Variants in VAMP7 observed in about 807,000 individuals in gnomAD.
The protein encoded by VAMP7 is vesicle associated membrane protein 7, also known as vesicle-associated membrane protein 7.
Under a neutral mutation model 29.6 loss-of-function variants are expected in VAMP7, and 14 were observed. The observed-to-expected ratio is 0.47, with a 90% CI of 0.31 to 0.74. The LOEUF (loss-of-function observed/expected upper bound fraction) is 0.74, where lower values mean the gene tolerates loss of function less well. Ranked by LOEUF, VAMP7 falls within the 30% of genes least tolerant of loss-of-function variation. The pLI is 0.05. For missense variants in VAMP7, 223 were observed against 262.4 expected (o/e 0.85, Z 1.04); for synonymous variants, 95 against 88.1 (o/e 1.08, Z -0.44).
At chrX:155,928,909 T>C (rs1157358381) in intron 6 of VAMP7, among the ~76,000 whole-genome samples, 6 of 152,264 alleles carry the variant, frequency 3.9e-5, no homozygotes, top group African/African-American at 1.4e-4. Context: ...CTGCTTTTTC[T>C]CATCTACATC....
intron 1 of VAMP7, among the ~76,000 whole-genome samples, chrX:155,884,613 T>C (rs1291003096): frequency 6.6e-6 from 1 of 152,190 alleles, no homozygotes. Context: ...ACATTAAGCA[T>C]TGTTATTTTA....
chrX:155,932,067 A>G (rs924741424), intron 6 of VAMP7, among the ~76,000 whole-genome samples: 2 of 152,014 alleles, frequency 1.3e-5, no homozygotes, highest in Non-Finnish European at 2.9e-5. Flanking sequence ...ATTGGTCTAT[A>G]TCTCTGTTTT....
intron 6 of VAMP7, among the ~76,000 whole-genome samples, chrX:155,921,394 C>T (rs2066394437): frequency 6.6e-6 from 1 of 152,008 alleles, no homozygotes; most frequent in African/African-American, 2.4e-5. Context: ...CTGCCTCATA[C>T]CCCTTCCAGT....
chrX:155,919,283 C>T (rs2066359589), intron 5 of VAMP7, among the ~76,000 whole-genome samples: 1 of 152,108 alleles, frequency 6.6e-6, no homozygotes, highest in South Asian at 2.1e-4. Flanking sequence ...TTACTCATTA[C>T]TGGCTTGTTC....
intron 6 of VAMP7, among the ~76,000 whole-genome samples, chrX:155,928,867 G>A (rs5983830): frequency 0.64 from 97,707 of 152,016 alleles, 31,770 homozygotes; most frequent in African/African-American, 0.75. Context: ...GAATCACACA[G>A]CTATGTTCGG....
At chrX:155,903,920 G>A (rs192477796) in intron 5 of VAMP7, among the ~76,000 whole-genome samples, 1,632 of 152,136 alleles carry the variant, frequency 0.011, 24 homozygotes, top group African/African-American at 0.037. Context: ...GTTTATAGCG[G>A]CAGTATTCAC....
Position 155,942,266 on chromosome X carries a change from G to A in VAMP7, c.*315G>A, listed in dbSNP as rs1285450451. On this transcript the variant is annotated 3_prime_UTR_variant, in exon 8 of 8. Transcript: ENST00000286448. Reference sequence around the variant, plus strand: ...TTTTTAATTGCTCAAAGCTGTCGCCGCTAGTCTTATGAGCTATCTACTAAA... The same window carrying A: ...TTTTTAATTGCTCAAAGCTGTCGCCACTAGTCTTATGAGCTATCTACTAAA... 84 of 1,231,222 alleles carry A rather than the reference G, an allele frequency of 6.8e-5. No homozygotes were observed. The highest frequency in any genetic ancestry group is 5.4e-5 in the Non-Finnish European group (49 of 903,216). The allele number at this position is 1,231,222 out of a possible 1,614,324, so 76.3% of individuals were successfully genotyped here.
At chrX:155,901,085 CA>C (rs1169895275) in intron 5 of VAMP7, among the ~76,000 whole-genome samples, 1 of 151,962 alleles carries the variant, frequency 6.6e-6, no homozygotes, top group African/African-American at 2.4e-5. Flanking sequence ...CTTAGTCAAC[CA>C]GTTGCAAATA....
intron 2 of VAMP7, among the ~76,000 whole-genome samples, chrX:155,893,279 A>G (rs905019170): frequency 1.3e-5 from 2 of 152,146 alleles, no homozygotes; most frequent in African/African-American, 4.8e-5. Flanking sequence ...AGTAGACAGT[A>G]GTGTAGGTAG....
chrX:155,908,844 G>A (rs1324461074), intron 5 of VAMP7, among the ~76,000 whole-genome samples: 1 of 150,278 alleles, frequency 6.7e-6, no homozygotes, highest in Admixed American at 7.3e-5. Flanking sequence ...CTGGAGTGCA[G>A]TGACATGATC....
At chrX:155,888,948 AATAATT>A (rs2065896460) in intron 1 of VAMP7, among the ~76,000 whole-genome samples, 1 of 152,224 alleles carries the variant, frequency 6.6e-6, no homozygotes, top group South Asian at 2.1e-4. Context: ...TAAATGGATT[AATAATT>A]ATAAAGTATT....
rs891329875 is a variant in VAMP7 at position 155,902,918 on chromosome X, T to C, written c.433+2331T>C. 2.0e-5 allele frequency among the ~76,000 whole-genome samples: 3 copies of C among 151,848 alleles called. No homozygotes were observed. In the South Asian group the frequency reaches 6.3e-4, roughly 32 times the overall value. On this transcript the variant is annotated intron_variant, in intron 5 of 7. Transcript: ENST00000286448. Reference sequence around the variant, plus strand: ...TAGGGAGGACTCCCTCTTTTTCTATTGATTGGAATAGTTTCAGAAGGAATG... The same window carrying C: ...TAGGGAGGACTCCCTCTTTTTCTATCGATTGGAATAGTTTCAGAAGGAATG...
chrX:155,920,109 G>T (rs536052948), intron 6 of VAMP7, among the ~76,000 whole-genome samples: 1 of 152,248 alleles, frequency 6.6e-6, no homozygotes, highest in South Asian at 2.1e-4. Flanking sequence ...AACATACTCA[G>T]TATACAGAAA....
At chrX:155,908,306 C>T (rs1301714457) in intron 5 of VAMP7, among the ~76,000 whole-genome samples, 14 of 152,344 alleles carry the variant, frequency 9.2e-5, no homozygotes, top group South Asian at 2.1e-4. Context: ...TCTGCAATCC[C>T]GGCACCTCGG....
Position 155,942,157 on chromosome X carries a change from T to G in VAMP7, c.*206T>G. The G allele has an allele frequency of 6.5e-7, 1 of 1,550,018 alleles. No homozygotes were observed. Among genetic ancestry groups the G allele is most frequent in the African/African-American group, 1.4e-5 (1 of 73,064 alleles). Reference sequence around the variant, plus strand: ...TCCTGTGAACTTCAGATTGAACCATTCATTGCAGCAGTAGCCTTAAAAAGG... The same window carrying G: ...TCCTGTGAACTTCAGATTGAACCATGCATTGCAGCAGTAGCCTTAAAAAGG... On this transcript the variant is annotated 3_prime_UTR_variant, in exon 8 of 8. Coordinates refer to ENST00000286448, the MANE Select transcript of VAMP7 (RefSeq NM_005638.6).
rs34350006 is a variant in VAMP7, at chrX:155,881,467, G to GC, written c.-10+21dup. On this transcript the variant is annotated intron_variant, in intron 1 of 7. Coordinates refer to ENST00000286448, the MANE Select transcript of VAMP7 (RefSeq NM_005638.6). Reference sequence around the variant, plus strand: ...CGGACAGGTAAATGGAGTGGGGTGCGCCTGCGGGAGGCGGGGAGAGAACTG... The same window carrying GC: ...CGGACAGGTAAATGGAGTGGGGTGCGCCCTGCGGGAGGCGGGGAGAGAACTG... 152,766 of 152,768 alleles carry GC rather than the reference G, an allele frequency of 1. 76,382 individuals carry two copies. The highest frequency in any genetic ancestry group is 1 in the Non-Finnish European group (68,436 of 68,436). The allele number at this position is 152,768 out of a possible 1,614,324, so 9.5% of individuals were successfully genotyped here. A position where few individuals can be genotyped will look rare whatever the true frequency, so the allele number is the denominator to read the frequency against.
At chrX:155,921,906 T>G (rs1035438969) in intron 6 of VAMP7, among the ~76,000 whole-genome samples, 1 of 152,196 alleles carries the variant, frequency 6.6e-6, no homozygotes, top group Admixed American at 6.5e-5. Context: ...TAGGGGACAT[T>G]GGTATCTTGA....
In VAMP7 at chrX:155,889,441, C is replaced by T. The variant is rs1346804629; in HGVS notation, c.-9-17C>T. 4 of 1,607,842 alleles carry T rather than the reference C, an allele frequency of 2.5e-6. No individual in the cohort carries two copies. Among genetic ancestry groups the T allele is most frequent in the Non-Finnish European group, 3.4e-6 (4 of 1,177,086 alleles). ...TCAAAGAAATATTCTAAATCTGTGT[C>T]TTTTTCCTTTTGATAGACTGAAGCC... On this transcript the variant is annotated splice_polypyrimidine_tract_variant and intron_variant, in intron 1 of 7. Transcript: ENST00000286448.
chrX:155,937,271 C>T (rs1313862692), intron 6 of VAMP7, among the ~76,000 whole-genome samples: 5 of 151,916 alleles, frequency 3.3e-5, no homozygotes, highest in Non-Finnish European at 7.4e-5. Context: ...GGGTGGGAGA[C>T]CTGGAGAGAT....
Sources: allele counts gnomAD v4.1 joint callset (sites outside exome capture counted in the v4.1 genomes callset), GRCh38; gene constraint gnomAD v4.1.1; transcripts MANE v1.5; gene names NCBI Gene and HGNC (gene_info 2026-07-23, HGNC 2026-07-21).